Variants in TUT4 observed in about 807,000 individuals in gnomAD.
TUT4 encodes terminal uridylyl transferase 4.
Under a neutral mutation model 192.2 loss-of-function variants are expected in TUT4, and 36 were observed. The ratio of observed to expected loss-of-function variants is 0.19; its 90% CI spans 0.14 to 0.25. The LOEUF is 0.25. Among genes scored for constraint, TUT4 ranks in the 10% least tolerant of loss-of-function variants. TUT4 has a pLI of 1.00. For missense variants in TUT4, 1,493 were observed against 1,957.2 expected, an observed-to-expected ratio of 0.76 and a Z score of 4.47; for synonymous variants, 618 against 666.0, an observed-to-expected ratio of 0.93 and a Z score of 1.11.
intron 2 of TUT4, among the ~76,000 whole-genome samples, chr1:52,520,076 A>C (rs940379915): frequency 6.6e-6 from 1 of 152,132 alleles, no homozygotes; most frequent in Non-Finnish European, 1.5e-5. Context: ...TTGGGGAATG[A>C]GTGTTTGACG....
chr1:52,423,932 G>C lies in TUT4; in HGVS notation c.*3C>G. ...AGACCAGCTGAAAGAAAATGGACTC[G>C]CATTACTCCGACACGTTTCCTCTTG... On this transcript the variant is annotated 3_prime_UTR_variant, in exon 30 of 30. Transcript: ENST00000257177. The C allele has an allele frequency of 1.2e-6, 2 of 1,612,714 alleles. No homozygotes were observed. Among genetic ancestry groups the C allele is most frequent in the Non-Finnish European group, 1.7e-6 (2 of 1,179,422 alleles).
rs780028557 is a variant in TUT4 at position 52,436,733 on chromosome 1, ATGTT to A, written c.4162+18_4162+21del. 4 of 1,612,048 alleles carry A rather than the reference ATGTT, an allele frequency of 2.5e-6. No homozygotes were observed. Among genetic ancestry groups the A allele is most frequent in the Admixed American group, 1.7e-5 (1 of 59,954 alleles). On this transcript the variant is annotated intron_variant, in intron 26 of 29. Transcript: ENST00000257177. ...AATGACTTCGTTTCTACCAGAAACT[ATGTT>A]TGGCCTTTTCTATTTACCTGCCACA...
rs1649333873 is a variant in TUT4, at chr1:52,424,927, T to A, written c.4870+422A>T. 5 of 154,738 alleles carry A rather than the reference T, an allele frequency of 3.2e-5. No homozygotes were observed. The South Asian group carries it at 1.0e-3, about 31-fold the overall frequency. 9.6% of individuals were successfully genotyped at this position (154,738 alleles called of 1,614,324 possible). A position where few individuals can be genotyped will look rare whatever the true frequency, so the allele number is the denominator to read the frequency against. ...TAATATTTTCTACTCTTTTTCATTA[T>A]GCCAGGCAAAACTCAGTGACTGCAT... On this transcript the variant is annotated intron_variant, in intron 29 of 29. Coordinates refer to ENST00000257177, the MANE Select transcript of TUT4 (RefSeq NM_001009881.3).
intron 13 of TUT4, among the ~76,000 whole-genome samples, chr1:52,472,945 A>C (rs1227380891): frequency 2.6e-5 from 4 of 152,196 alleles, no homozygotes; most frequent in Non-Finnish European, 5.9e-5. Flanking sequence ...TCTCTTTGTA[A>C]GAATGATGCA....
Position 52,436,675 on chromosome 1 carries a change from G to C in TUT4, c.4162+80C>G, listed in dbSNP as rs530497097. 44 of 1,576,418 alleles carry C rather than the reference G, an allele frequency of 2.8e-5. No individual in the cohort carries two copies. The African/African-American group carries it at 5.0e-4, about 18-fold the overall frequency. On this transcript the variant is annotated intron_variant, in intron 26 of 29. Coordinates refer to ENST00000257177, the MANE Select transcript of TUT4 (RefSeq NM_001009881.3). Reference sequence around the variant, plus strand: ...CATACAATTAGGTTTGCAACAGAGAGGAATTAGGGTCATTTAGCATGCAAG... The same window carrying C: ...CATACAATTAGGTTTGCAACAGAGACGAATTAGGGTCATTTAGCATGCAAG...
intron 7 of TUT4, 86 bp downstream of exon 7, chr1:52,493,525 C>T: frequency 2.1e-6 from 2 of 940,022 alleles, no homozygotes; most frequent in Admixed American, 3.1e-5. Context: ...TTAGTTTTAA[C>T]TTGGTTAGCC....
rs761598885 is a variant in TUT4, at chr1:52,431,393, A to T, written c.4331T>A (p.Ile1444Asn). 6.2e-7 allele frequency: 1 copy of T among 1,614,154 alleles called. No homozygotes were observed. The highest frequency in any genetic ancestry group is 2.2e-5 in the East Asian group (1 of 44,884). Reference sequence around the variant, plus strand: ...TCCTGGCTGAGATGAAGGCTGAGTAATAGCAGCTGACTGGGAAGAGTTCTG... The same window carrying T: ...TCCTGGCTGAGATGAAGGCTGAGTATTAGCAGCTGACTGGGAAGAGTTCTG... ...FPQNSSQSAAITQPSSQPGSQ... is the reference protein window; with the variant it reads ...FPQNSSQSAANTQPSSQPGSQ... Residue 1444 changes from isoleucine to asparagine, a missense_variant, in exon 28 of 30, where the codon ATT (isoleucine) becomes AAT (asparagine). Transcript: ENST00000257177.
In TUT4 at chr1:52,461,692, A is replaced by G. The variant is rs757718283; in HGVS notation, c.3127+20T>C. Reference sequence around the variant, plus strand: ...TAAAAAAATTTATTTTGTTTTACAGATAAGATTCAAAATTCATACCTGGAT... The same window carrying G: ...TAAAAAAATTTATTTTGTTTTACAGGTAAGATTCAAAATTCATACCTGGAT... On this transcript the variant is annotated intron_variant, in intron 17 of 29. Coordinates refer to ENST00000257177, the MANE Select transcript of TUT4 (RefSeq NM_001009881.3). 32 of 1,535,998 alleles carry G rather than the reference A, an allele frequency of 2.1e-5. No individual in the cohort carries two copies. The highest frequency in any genetic ancestry group is 2.5e-5 in the Non-Finnish European group (28 of 1,131,118).
At chr1:52,449,037 C>A (rs973084956) in intron 20 of TUT4, among the ~76,000 whole-genome samples, 1 of 151,804 alleles carries the variant, frequency 6.6e-6, no homozygotes, top group Non-Finnish European at 1.5e-5. Flanking sequence ...TCTGTTTCAG[C>A]CCCCAGAAGC....
chr1:52,505,266 T>C (rs1263975571), intron 4 of TUT4, among the ~76,000 whole-genome samples: 1 of 152,092 alleles, frequency 6.6e-6, no homozygotes, highest in Non-Finnish European at 1.5e-5. Flanking sequence ...TAGTTTTTTG[T>C]AGATTTTTTT....
chr1:52,526,701 T>A (rs1449332523), intron 1 of TUT4, among the ~76,000 whole-genome samples: 1 of 152,100 alleles, frequency 6.6e-6, no homozygotes, highest in Non-Finnish European at 1.5e-5. Context: ...ACAATTAACA[T>A]GAAAGGAAAC....
chr1:52,550,612 C>T (rs1052462948), intron 1 of TUT4, among the ~76,000 whole-genome samples: 1 of 151,708 alleles, frequency 6.6e-6, no homozygotes, highest in Non-Finnish European at 1.5e-5. Flanking sequence ...GGCAAACCTC[C>T]TACCTCAGCT....
At chr1:52,472,529 C>T (rs897789088) in intron 13 of TUT4, among the ~76,000 whole-genome samples, 3 of 151,278 alleles carry the variant, frequency 2.0e-5, no homozygotes, top group Non-Finnish European at 4.4e-5. Flanking sequence ...AGAACCCTCA[C>T]TTAGTTGGTT....
chr1:52,544,143 C>T (rs756267070), intron 1 of TUT4, among the ~76,000 whole-genome samples: 1 of 151,832 alleles, frequency 6.6e-6, no homozygotes, highest in Non-Finnish European at 1.5e-5. Context: ...AAAACTTAGC[C>T]GGGTGTGGTG....
intron 20 of TUT4, among the ~76,000 whole-genome samples, chr1:52,451,806 G>A (rs1659506681): frequency 2.0e-5 from 3 of 149,842 alleles, no homozygotes; most frequent in Admixed American, 2.0e-4. Context: ...TCACGCCACT[G>A]TACTCCAGCC....
intron 1 of TUT4, among the ~76,000 whole-genome samples, chr1:52,539,488 T>C (rs1216945554): frequency 2.0e-5 from 3 of 152,176 alleles, no homozygotes; most frequent in Non-Finnish European, 4.4e-5. Flanking sequence ...TATAATTTCC[T>C]GGCTTTGAGG....
At chr1:52,445,466 C>T (rs1657264720) in intron 24 of TUT4, among the ~76,000 whole-genome samples, 1 of 152,196 alleles carries the variant, frequency 6.6e-6, no homozygotes, top group Admixed American at 6.5e-5. Context: ...TATTCTCATT[C>T]ACTCAACAAA....
chr1:52,532,277 T>G (rs1683678208), intron 1 of TUT4, among the ~76,000 whole-genome samples: 1 of 152,116 alleles, frequency 6.6e-6, no homozygotes, highest in Non-Finnish European at 1.5e-5. Context: ...TTATTTTTAT[T>G]TATCTCCATA....
intron 6 of TUT4, among the ~76,000 whole-genome samples, chr1:52,494,512 T>C (rs747089052): frequency 7.2e-5 from 11 of 152,052 alleles, no homozygotes; most frequent in Admixed American, 1.3e-4. Context: ...ACCAACAAGG[T>C]GAAACCCCGT....
Sources: gnomAD v4.1 joint callset for allele counts (sites outside exome capture counted in the v4.1 genomes callset) on GRCh38, gnomAD v4.1.1 for gene constraint, MANE v1.5 for transcripts, NCBI Gene and HGNC (gene_info 2026-07-23, HGNC 2026-07-21) for gene names.